THSD7A: variants seen among roughly 807,000 people sequenced by gnomAD.
THSD7A encodes the protein thrombospondin type-1 domain-containing protein 7A.
A neutral mutation model predicts 231.3 loss-of-function variants in THSD7A; 96 were observed. That is an observed-to-expected ratio of 0.41 (90% confidence interval 0.35 to 0.49). The LOEUF (loss-of-function observed/expected upper bound fraction) is 0.49. Ranked by LOEUF, THSD7A falls within the 20% of genes least tolerant of loss-of-function variation. THSD7A has a pLI of 0.05. For synonymous variants in THSD7A, 940 were observed against 743.3 expected (o/e 1.26, Z -4.30); for missense variants, 2,290 against 2,070.2 (o/e 1.11, Z -2.06).
chr7:11,636,838 G>A lies in THSD7A; in HGVS notation c.314C>T (p.Pro105Leu), dbSNP rs1781881436. Reference protein sequence around the residue: ...LHTNCKQAERPNNQQNCFKVC... With the variant: ...LHTNCKQAERLNNQQNCFKVC... ...TTTGAAACAATTCTGCTGGTTATTG[G>A]GTCTCTCGGCCTGCTTACAGTTAGT... The change falls in exon 2 of 28, where the codon CCC becomes CTC. Residue 105 changes from proline (P) to leucine (L), a missense_variant. By Grantham distance (98) the Pro-to-Leu change is moderately conservative. Transcript: ENST00000423059. This position sits in a 1 kb window ranked among gnomAD's most constrained non-coding sequence, Gnocchi z 10.0. The A allele has an allele frequency of 2.9e-5, 46 of 1,613,736 alleles. No individual in the cohort carries two copies. The highest frequency in any genetic ancestry group is 3.9e-5 in the Non-Finnish European group (46 of 1,179,878).
At chr7:11,754,840 A>C (rs1263127950) in intron 1 of THSD7A, among the ~76,000 whole-genome samples, 1 of 152,104 alleles carries the variant, frequency 6.6e-6, no homozygotes, top group East Asian at 1.9e-4. Flanking sequence ...CCTTAGGCAT[A>C]AGAATATAAT....
chr7:11,633,015 C>T (rs1351250998), intron 2 of THSD7A, among the ~76,000 whole-genome samples: 1 of 152,158 alleles, frequency 6.6e-6, no homozygotes, highest in Non-Finnish European at 1.5e-5. Context: ...GTCATTGACT[C>T]TTTTCACCAC....
chr7:11,722,325 G>T (rs534128943), intron 1 of THSD7A, among the ~76,000 whole-genome samples: 16 of 151,994 alleles, frequency 1.1e-4, no homozygotes, highest in Admixed American at 9.2e-4. Context: ...TGTAGGTGCA[G>T]TTTGCCTTTC....
chr7:11,812,422 A>T (rs1347784094), intron 1 of THSD7A, among the ~76,000 whole-genome samples: 1 of 152,138 alleles, frequency 6.6e-6, no homozygotes, highest in East Asian at 1.9e-4. Context: ...ACAATATGGG[A>T]ATATACTTAT....
chr7:11,474,891 A>C lies in THSD7A; in HGVS notation c.2018-323T>G, dbSNP rs1786094573. On this transcript the variant is annotated intron_variant, in intron 7 of 27. Transcript: ENST00000423059. This position sits in a 1 kb window ranked among gnomAD's most constrained non-coding sequence, Gnocchi z 4.1. ...AGTATAACTGGGATTCAAGGAGTAC[A>C]ATTTCACTACTTTTTGGAGTCTGAA... 6.6e-6 allele frequency among the ~76,000 whole-genome samples: 1 copy of C among 152,310 alleles called. No homozygotes were observed. The highest frequency in any genetic ancestry group is 6.5e-5 in the Admixed American group (1 of 15,286).
At chr7:11,557,171 TTC>T (rs1789881007) in intron 4 of THSD7A, among the ~76,000 whole-genome samples, 1 of 152,096 alleles carries the variant, frequency 6.6e-6, no homozygotes, top group South Asian at 2.1e-4. Context: ...TCATATTTTT[TTC>T]TGTGTTGTTC....
chr7:11,644,760 C>T (rs1340797721), intron 1 of THSD7A, among the ~76,000 whole-genome samples: 2 of 151,840 alleles, frequency 1.3e-5, no homozygotes, highest in East Asian at 3.9e-4. Context: ...ACTAAATATT[C>T]CTTTAGAATT....
intron 1 of THSD7A, among the ~76,000 whole-genome samples, chr7:11,762,160 C>G (rs1241881576): frequency 6.6e-6 from 1 of 152,180 alleles, no homozygotes; most frequent in Non-Finnish European, 1.5e-5. Context: ...TTCATAGACA[C>G]TTAGGTTCCC....
At chr7:11,504,184 T>C (rs1787453542) in intron 6 of THSD7A, among the ~76,000 whole-genome samples, 1 of 152,132 alleles carries the variant, frequency 6.6e-6, no homozygotes, top group African/African-American at 2.4e-5. Context: ...CTGGAGGATA[T>C]CATCCTCAGA....
intron 1 of THSD7A, among the ~76,000 whole-genome samples, chr7:11,644,449 A>T (rs1407389043): frequency 6.6e-6 from 1 of 151,932 alleles, no homozygotes; most frequent in Non-Finnish European, 1.5e-5. Flanking sequence ...TCAAAGGAAA[A>T]ATAAGAGGAG....
chr7:11,379,864 T>G, intron 24 of THSD7A, 152 bp from the exon 25 acceptor site: 1 of 798,008 alleles, frequency 1.3e-6, no homozygotes, highest in East Asian at 2.7e-5. Flanking sequence ...TTGGTTAACC[T>G]TGACCACCTT....
At position 11,376,627 on chromosome 7, in the gene THSD7A, A is replaced by T; in HGVS notation, c.4832T>A (p.Val1611Glu). Residue 1611 changes from valine to glutamate, a missense_variant, in exon 27 of 28, where the codon GTA (valine) becomes GAA (glutamate). Transcript: ENST00000423059. ...DGRLKTWVYG[V>E]AAGAFVLLIF... Reference sequence around the variant, plus strand: ...GAGTAACACAAATGCCCCAGCTGCTACACCGTAAACCCAGGTCTTTAGTCT... The same window carrying T: ...GAGTAACACAAATGCCCCAGCTGCTTCACCGTAAACCCAGGTCTTTAGTCT... 1 of 1,586,620 alleles carries T rather than the reference A, an allele frequency of 6.3e-7. No homozygotes were observed. The highest frequency in any genetic ancestry group is 8.6e-7 in the Non-Finnish European group (1 of 1,165,502).
intron 6 of THSD7A, among the ~76,000 whole-genome samples, chr7:11,508,931 G>T (rs946621747): frequency 1.3e-5 from 2 of 152,092 alleles, no homozygotes; most frequent in African/African-American, 4.8e-5. Flanking sequence ...TAGTTGCCAG[G>T]GGCTGTAGGA....
In THSD7A at chr7:11,446,159, C is replaced by G; in HGVS notation, c.2966G>C (p.Gly989Ala). 1.2e-6 allele frequency: 2 copies of G among 1,613,498 alleles called. No homozygotes were observed. Among genetic ancestry groups the G allele is most frequent in the Non-Finnish European group, 1.7e-6 (2 of 1,179,638 alleles). ...TCCTTGTCCGCATTCCTTGATGTCT[C>G]CTTGTACTTTCATTCCCAGCAACAC... The part of the protein sequence containing the change: ...VEVLLGMKVQ[G>A]DIKECGQGYR... The change falls in exon 13 of 28, where the codon GGA becomes GCA. Residue 989 changes from glycine (G) to alanine (A), a missense_variant. Physicochemically the swap from Gly to Ala is moderately conservative, Grantham distance 60. Coordinates refer to ENST00000423059, the MANE Select transcript of THSD7A (RefSeq NM_015204.3). This position sits in a 1 kb window ranked among gnomAD's most constrained non-coding sequence, Gnocchi z 4.0.
In THSD7A at chr7:11,714,156, T is replaced by C. The variant is rs577387782; in HGVS notation, c.191-77195A>G. ...ACTTGTAGTAAGTGATGTAATAATCTTGCAGCATTTAAACCTCTAAATGTG... is the reference window on the plus strand; with the variant it reads ...ACTTGTAGTAAGTGATGTAATAATCCTGCAGCATTTAAACCTCTAAATGTG... On this transcript the variant is annotated intron_variant, in intron 1 of 27. Transcript: ENST00000423059. 1.3e-4 allele frequency among the ~76,000 whole-genome samples: 20 copies of C among 151,338 alleles called. 2 individuals are homozygous for C. In the South Asian group the frequency reaches 3.3e-3, roughly 25 times the overall value.
At position 11,372,991 on chromosome 7, in the gene THSD7A, T is replaced by G. The variant is rs954187314; in HGVS notation, c.*2803A>C. 6.6e-6 allele frequency: 1 copy of G among 151,874 alleles called. No individual in the cohort carries two copies. Among genetic ancestry groups the G allele is most frequent in the Non-Finnish European group, 1.5e-5 (1 of 67,910 alleles). The allele number at this position is 151,874 out of a possible 1,614,324, so 9.4% of individuals were successfully genotyped here. A position where few individuals can be genotyped will look rare whatever the true frequency, so the allele number is the denominator to read the frequency against. On this transcript the variant is annotated 3_prime_UTR_variant, in exon 28 of 28. Coordinates refer to ENST00000423059, the MANE Select transcript of THSD7A (RefSeq NM_015204.3). Reference sequence around the variant, plus strand: ...AGTATTTATTTATCCTAACAAACAGTGACCTTCCAATATGTTCTCTAATAT... The same window carrying G: ...AGTATTTATTTATCCTAACAAACAGGGACCTTCCAATATGTTCTCTAATAT...
intron 1 of THSD7A, among the ~76,000 whole-genome samples, chr7:11,752,774 C>A (rs906422829): frequency 6.6e-6 from 1 of 151,820 alleles, no homozygotes; most frequent in African/African-American, 2.4e-5. Context: ...TAAAAAAATT[C>A]TATTAGCCAG....
intron 1 of THSD7A, among the ~76,000 whole-genome samples, chr7:11,773,785 A>G (rs990553613): frequency 7.2e-5 from 11 of 152,174 alleles, no homozygotes; most frequent in Admixed American, 7.2e-4. Flanking sequence ...GGGAATTTCT[A>G]CATGGTAAAC....
intron 2 of THSD7A, among the ~76,000 whole-genome samples, chr7:11,601,229 A>T (rs1780539979): frequency 6.6e-6 from 1 of 152,072 alleles, no homozygotes; most frequent in Admixed American, 6.6e-5. Flanking sequence ...TTAAGCTCAT[A>T]TTGTATGTGC....
Sources: gnomAD v4.1 joint callset for allele counts (sites outside exome capture counted in the v4.1 genomes callset) on GRCh38, gnomAD v4.1.1 for gene constraint, Gnocchi (gnomAD v3.1) non-coding constraint, MANE v1.5 for transcripts, NCBI Gene and HGNC (gene_info 2026-07-23, HGNC 2026-07-21) for gene names.